Variants in SYCP1 observed in about 807,000 individuals in gnomAD.
SYCP1 encodes synaptonemal complex protein 1.
Under a neutral mutation model 153.1 loss-of-function variants are expected in SYCP1, and 64 were observed. The ratio of observed to expected loss-of-function variants is 0.42; its 90% CI spans 0.34 to 0.51. The LOEUF is 0.51. Ranked by LOEUF, SYCP1 falls within the 20% of genes least tolerant of loss-of-function variation. The probability of loss-of-function intolerance (pLI) is 0.06; values close to 1 mark genes in which losing one functional copy is unlikely to be tolerated. For synonymous variants in SYCP1, 384 were observed against 341.8 expected, an observed-to-expected ratio of 1.12 and a Z score of -1.36; for missense variants, 997 against 1,049.0, an observed-to-expected ratio of 0.95 and a Z score of 0.68.
At chr1:114,923,023 C>T (rs1668998341) in intron 20 of SYCP1, among the ~76,000 whole-genome samples, 1 of 152,218 alleles carries the variant, frequency 6.6e-6, no homozygotes, top group African/African-American at 2.4e-5. Context: ...CTATATACCA[C>T]ATTCAGGGAA....
chr1:114,951,445 T>C (rs1671099650), intron 27 of SYCP1, among the ~76,000 whole-genome samples: 1 of 152,208 alleles, frequency 6.6e-6, no homozygotes, highest in Non-Finnish European at 1.5e-5. Flanking sequence ...AGAATTATTA[T>C]TAAACTTAAG....
intron 16 of SYCP1, among the ~76,000 whole-genome samples, chr1:114,899,305 A>G (rs1328685134): frequency 2.0e-5 from 3 of 150,016 alleles, no homozygotes; most frequent in South Asian, 2.1e-4. Flanking sequence ...TAAATAGTCC[A>G]AAATGTTTCC....
In SYCP1 at chr1:114,881,064, C is replaced by T. The variant is rs1303659177; in HGVS notation, c.910+2862C>T. On this transcript the variant is annotated intron_variant, in intron 12 of 31. Coordinates refer to ENST00000369522, the MANE Select transcript of SYCP1 (RefSeq NM_003176.4). ...ATTCCAATTTGTGTATATACACACA[C>T]ACACACACACACACACACACACACA... Among the ~76,000 whole-genome samples, 46 of 150,628 alleles carry T rather than the reference C, an allele frequency of 3.1e-4. 1 individual carries two copies. In the South Asian group the frequency reaches 6.3e-3, roughly 21 times the overall value.
chr1:114,994,890 ATCT>A lies in SYCP1; in HGVS notation c.2803_2805del (p.Ser935del). On this transcript the variant is annotated inframe_deletion, in exon 32 of 32. Coordinates refer to ENST00000369522, the MANE Select transcript of SYCP1 (RefSeq NM_003176.4). ...TTTTATTTTGTACTCAGGCCCCTTC[ATCT>A]CTAACAACCCCTGGATCTACACTGA... 6.8e-7 allele frequency: 1 copy of A among 1,481,446 alleles called. No homozygotes were observed. The allele number at this position is 1,481,446 out of a possible 1,614,324, so 91.8% of individuals were successfully genotyped here.
At chr1:114,912,459 T>C (rs1250955639) in intron 18 of SYCP1, among the ~76,000 whole-genome samples, 5 of 151,976 alleles carry the variant, frequency 3.3e-5, no homozygotes, top group African/African-American at 1.2e-4. Context: ...AAAATTGATA[T>C]TGGATGTAAG....
chr1:114,869,390 GAGCAGATAC>G (rs1376168624), intron 8 of SYCP1, among the ~76,000 whole-genome samples: 1 of 152,130 alleles, frequency 6.6e-6, no homozygotes, highest in Non-Finnish European at 1.5e-5. Context: ...TGTGATCTGA[GAGCAGATAC>G]TGTACAATTT....
intron 15 of SYCP1, among the ~76,000 whole-genome samples, chr1:114,892,571 T>A (rs1666790549): frequency 6.6e-6 from 1 of 151,754 alleles, no homozygotes; most frequent in African/African-American, 2.4e-5. Flanking sequence ...GTCCTTGGGG[T>A]GTTTGCAAAT....
At chr1:114,872,387 G>A (rs566204974) in intron 8 of SYCP1, among the ~76,000 whole-genome samples, 5 of 152,188 alleles carry the variant, frequency 3.3e-5, no homozygotes, top group South Asian at 2.1e-4. Context: ...TCTTGCCTGC[G>A]TGGTTTCTGA....
At position 114,857,136 on chromosome 1, in the gene SYCP1, C is replaced by CAAAAAAAAAAAAAAAAAAAAAAAA. The variant is rs71582509; in HGVS notation, c.194-75_194-74insAAAAAAAAAAAAAAAAAAAAAAAA. 2.3e-4 allele frequency: 56 copies of CAAAAAAAAAAAAAAAAAAAAAAAA among 245,192 alleles called. 1 individual carries two copies. The highest frequency in any genetic ancestry group is 7.7e-4 in the African/African-American group (13 of 16,858). The allele number at this position is 245,192 out of a possible 1,614,324, so 15.2% of individuals were successfully genotyped here. A position where few individuals can be genotyped will look rare whatever the true frequency, so the allele number is the denominator to read the frequency against. ...ATAGTGCCAGATGTCCTCTCTCTCT[C>CAAAAAAAAAAAAAAAAAAAAAAAA]AAAAAAAAAAAAAAAAAAAAAGAGA... On this transcript the variant is annotated intron_variant, in intron 3 of 31. Transcript: ENST00000369522.
chr1:114,869,058 A>G (rs75682903), intron 8 of SYCP1, among the ~76,000 whole-genome samples: 15,417 of 151,868 alleles, frequency 0.1, 940 homozygotes, highest in South Asian at 0.17. Flanking sequence ...TCTAATTTTT[A>G]TTACTTCTTT....
intron 30 of SYCP1, among the ~76,000 whole-genome samples, chr1:114,994,475 T>C (rs551653854): frequency 6.6e-6 from 1 of 151,382 alleles, no homozygotes; most frequent in Non-Finnish European, 1.5e-5. Context: ...ATCTAGGTCC[T>C]TTCTTGGCCA....
chr1:114,924,406 G>C (rs961886952), intron 21 of SYCP1, among the ~76,000 whole-genome samples: 1 of 152,068 alleles, frequency 6.6e-6, no homozygotes, highest in African/African-American at 2.4e-5. Flanking sequence ...TTATAGTAGA[G>C]GAATTCTTGC....
chr1:114,858,535 A>C lies in SYCP1; in HGVS notation c.292-12A>C. ...TTTTGGACAATTAATTTTTGAAAAC[A>C]TATTTTAATAGAATTCAGAGGGATT... On this transcript the variant is annotated splice_polypyrimidine_tract_variant and intron_variant, in intron 5 of 31. Transcript: ENST00000369522. 6.5e-7 allele frequency: 1 copy of C among 1,547,712 alleles called. No homozygotes were observed. Among genetic ancestry groups the C allele is most frequent in the Non-Finnish European group, 8.7e-7 (1 of 1,150,414 alleles).
intron 27 of SYCP1, among the ~76,000 whole-genome samples, chr1:114,961,338 T>C (rs1039762506): frequency 6.6e-6 from 1 of 152,212 alleles, no homozygotes; most frequent in Non-Finnish European, 1.5e-5. Context: ...TTCAATTTCA[T>C]TTAGTTATGC....
At chr1:114,959,093 G>A (rs774462936) in intron 27 of SYCP1, among the ~76,000 whole-genome samples, 47 of 151,966 alleles carry the variant, frequency 3.1e-4, no homozygotes, top group Non-Finnish European at 6.2e-4. Flanking sequence ...GTATCTAGAT[G>A]CCCTTTATCA....
intron 15 of SYCP1, among the ~76,000 whole-genome samples, chr1:114,892,901 G>T (rs554305880): frequency 2.0e-5 from 3 of 152,156 alleles, no homozygotes; most frequent in Middle Eastern, 3.4e-3. Context: ...TCTCAAAATG[G>T]TACGGGGCTA....
chr1:114,990,457 A>ATTT (rs1673845626), intron 30 of SYCP1, among the ~76,000 whole-genome samples: 1 of 151,964 alleles, frequency 6.6e-6, no homozygotes, highest in African/African-American at 2.4e-5. Flanking sequence ...ACTAAACTCA[A>ATTT]ACCTAGTAGA....
At chr1:114,909,343 A>G (rs1387000897) in intron 16 of SYCP1, among the ~76,000 whole-genome samples, 1 of 151,954 alleles carries the variant, frequency 6.6e-6, no homozygotes, top group Non-Finnish European at 1.5e-5. Context: ...CATTGGGACA[A>G]AGCTACCAAA....
intron 30 of SYCP1, among the ~76,000 whole-genome samples, chr1:114,985,912 G>GAAAAAAA (rs11395393): frequency 8.2e-6 from 1 of 121,778 alleles, no homozygotes; most frequent in Non-Finnish European, 1.8e-5. Flanking sequence ...CAAAAAATTT[G>GAAAAAAA]AAAAAAAAAA....
Sources: gnomAD v4.1 joint callset for allele counts (sites outside exome capture counted in the v4.1 genomes callset) on GRCh38, gnomAD v4.1.1 for gene constraint, MANE v1.5 for transcripts, NCBI Gene and HGNC (gene_info 2026-07-23, HGNC 2026-07-21) for gene names.